Variants in PKHD1 observed in about 807,000 individuals in gnomAD.
PKHD1 encodes fibrocystin.
PKHD1 carries 291 observed loss-of-function variants against 412.0 expected under a neutral mutation model. The observed-to-expected ratio is 0.71, with a 90% CI of 0.64 to 0.78. The LOEUF is 0.78. Among genes scored for constraint, PKHD1 ranks in the 30% least tolerant of loss-of-function variants. The probability of loss-of-function intolerance (pLI) is 0.00; values close to 1 mark genes in which losing one functional copy is unlikely to be tolerated. For synonymous variants in PKHD1, 1,777 were observed against 1,821.5 expected (o/e 0.98, Z 0.62); for missense variants, 4,825 against 4,950.7 (o/e 0.97, Z 0.76).
In PKHD1 at chr6:51,649,082, T is replaced by C. The variant is rs1271798139; in HGVS notation, c.11310+3A>G. 1 of 1,613,448 alleles carries C rather than the reference T, an allele frequency of 6.2e-7. No individual in the cohort carries two copies. Among genetic ancestry groups the C allele is most frequent in the Admixed American group, 1.7e-5 (1 of 60,014 alleles). ...GACAGATTTGTTACCTGTGAAAAGT[T>C]ACCTGCTCATCCAAAAATACCAATT... On this transcript the variant is annotated splice_donor_region_variant and intron_variant, in intron 62 of 66. Transcript: ENST00000371117.
intron 53 of PKHD1, among the ~76,000 whole-genome samples, chr6:51,782,404 G>C (rs1792176244): frequency 6.6e-6 from 1 of 152,118 alleles, no homozygotes; most frequent in Non-Finnish European, 1.5e-5. Flanking sequence ...TTGGCTGCCA[G>C]CCTTATTAGG....
In PKHD1 at chr6:51,626,861, C is replaced by T. The variant is rs192505779; in HGVS notation, c.11785+136G>A. On this transcript the variant is annotated intron_variant, in intron 66 of 66. Coordinates refer to ENST00000371117, the MANE Select transcript of PKHD1 (RefSeq NM_138694.4). ...GTATTTTTCTGCTGGGGTATAATTT[C>T]TTTGAAGGAAAGTAACAAAGACTAA... 212 of 864,282 alleles carry T rather than the reference C, an allele frequency of 2.5e-4. No individual in the cohort carries two copies. The Middle Eastern group carries it at 4.1e-3, about 17-fold the overall frequency. 53.5% of individuals were successfully genotyped at this position (864,282 alleles called of 1,614,324 possible).
Position 51,676,468 on chromosome 6 carries a change from T to C in PKHD1, c.10157-16499A>G, listed in dbSNP as rs111704008. Among the ~76,000 whole-genome samples, 1,152 of 152,272 alleles carry C rather than the reference T, an allele frequency of 7.6e-3. 14 individuals carry two copies. The highest frequency in any genetic ancestry group is 0.027 in the African/African-American group (1,104 of 41,558). On this transcript the variant is annotated intron_variant, in intron 60 of 66. Transcript: ENST00000371117. ...CCACCATTTCCCTCAATAATTTTTTTAGCCATTTTGTAATATATTTCACAA... is the reference window on the plus strand; with the variant it reads ...CCACCATTTCCCTCAATAATTTTTTCAGCCATTTTGTAATATATTTCACAA...
At position 51,871,395 on chromosome 6, in the gene PKHD1, G is replaced by C. The variant is rs1490698262; in HGVS notation, c.7351-756C>G. Among the ~76,000 whole-genome samples, 8 of 61,280 alleles carry C rather than the reference G, an allele frequency of 1.3e-4. 3 individuals are homozygous for C. Among genetic ancestry groups the C allele is most frequent in the Non-Finnish European group, 4.3e-4 (8 of 18,490 alleles). 40.2% of individuals were successfully genotyped at this position (61,280 alleles called of 152,430 possible). A position where few individuals can be genotyped will look rare whatever the true frequency, so the allele number is the denominator to read the frequency against. ...GCAACAAGTTAGATGAATCCCAATGGCATTCAGGAGTGAAGGAAGCCAGTC... is the reference window on the plus strand; with the variant it reads ...GCAACAAGTTAGATGAATCCCAATGCCATTCAGGAGTGAAGGAAGCCAGTC... On this transcript the variant is annotated intron_variant, in intron 46 of 66. Transcript: ENST00000371117.
intron 37 of PKHD1, among the ~76,000 whole-genome samples, chr6:51,932,070 A>G (rs562399637): frequency 1.9e-4 from 29 of 152,292 alleles, no homozygotes; most frequent in South Asian, 8.3e-4. Flanking sequence ...AATATCCAGT[A>G]ACATCAGATG....
At chr6:52,000,432 T>A (rs1363492394) in intron 35 of PKHD1, among the ~76,000 whole-genome samples, 1 of 152,214 alleles carries the variant, frequency 6.6e-6, no homozygotes, top group Non-Finnish European at 1.5e-5. Context: ...ATTATACTCC[T>A]ATAGTCAAAA....
At chr6:51,800,856 C>T (rs1009124574) in intron 52 of PKHD1, among the ~76,000 whole-genome samples, 8 of 152,184 alleles carry the variant, frequency 5.3e-5, no homozygotes, top group African/African-American at 1.7e-4. Context: ...ACAGCTCAGA[C>T]TTCTGAGGGA....
chr6:51,721,989 T>A (rs746098708), intron 60 of PKHD1: 34 of 1,613,494 alleles, frequency 2.1e-5, no homozygotes, highest in Non-Finnish European at 2.9e-5. Context: ...TCCTCCTCTA[T>A]TCTGAAATCT....
rs533428851 is a variant in PKHD1 at position 51,767,644 on chromosome 6, A to T, written c.8642+5058T>A. ...ATCCATGTCCCTACAAAGGACATGA[A>T]CTCATCATTTTTTATGGCAGCATAG... On this transcript the variant is annotated intron_variant, in intron 55 of 66. Coordinates refer to ENST00000371117, the MANE Select transcript of PKHD1 (RefSeq NM_138694.4). Among the ~76,000 whole-genome samples the T allele has an allele frequency of 6.6e-3, 1,004 of 152,180 alleles. 6 individuals carry two copies. Among genetic ancestry groups the T allele is most frequent in the Non-Finnish European group, 0.011 (729 of 68,010 alleles).
chr6:51,629,213 T>G (rs2661495), intron 65 of PKHD1, among the ~76,000 whole-genome samples: 108 of 152,038 alleles, frequency 7.1e-4, no homozygotes, highest in African/African-American at 2.6e-3. Context: ...ATAAAAAAAG[T>G]GGGACCGAAT....
intron 60 of PKHD1, among the ~76,000 whole-genome samples, chr6:51,707,657 C>T (rs1213044225): frequency 1.3e-5 from 2 of 152,120 alleles, no homozygotes; most frequent in East Asian, 1.9e-4. Context: ...TACGTACTCC[C>T]ACTTACCCCC....
intron 60 of PKHD1, among the ~76,000 whole-genome samples, chr6:51,736,509 T>C (rs1468152828): frequency 1.3e-5 from 2 of 152,110 alleles, no homozygotes; most frequent in East Asian, 3.9e-4. Context: ...GAGTCTAATA[T>C]TTTCTGAGAC....
At chr6:51,741,878 T>C (rs893637641) in intron 60 of PKHD1, among the ~76,000 whole-genome samples, 18 of 152,236 alleles carry the variant, frequency 1.2e-4, no homozygotes, top group Admixed American at 1.0e-3. Context: ...TTTCATCAAA[T>C]ACTCTGGAAC....
At chr6:51,772,936 TAAA>T in intron 54 of PKHD1, 147 bp from the exon 55 acceptor site, 1 of 655,370 alleles carries the variant, frequency 1.5e-6, no homozygotes. Context: ...AAGCATTATT[TAAA>T]TGCTCTATTT....
At chr6:51,658,065 T>G (rs568432359) in intron 61 of PKHD1, among the ~76,000 whole-genome samples, 70 of 152,244 alleles carry the variant, frequency 4.6e-4, no homozygotes, top group African/African-American at 1.6e-3. Flanking sequence ...TCAGCATCAT[T>G]TCTTTAAGCA....
At position 51,829,384 on chromosome 6, in the gene PKHD1, C is replaced by T. The variant is rs527537119; in HGVS notation, c.8302+1477G>A. Among the ~76,000 whole-genome samples, 84 of 152,248 alleles carry T rather than the reference C, an allele frequency of 5.5e-4. No individual in the cohort carries two copies. The South Asian group carries it at 0.017, about 32-fold the overall frequency. The stretch of plus-strand genomic sequence containing the variant: ...CTCGGCATAAAAACCCCAAAGGATA[C>T]TAAAAGCTTGGCAACCTTCAAAAGC... On this transcript the variant is annotated intron_variant, in intron 52 of 66. Transcript: ENST00000371117.
intron 35 of PKHD1, among the ~76,000 whole-genome samples, chr6:51,989,162 TC>T: frequency 6.6e-6 from 1 of 152,130 alleles, no homozygotes; most frequent in Non-Finnish European, 1.5e-5. Context: ...CATTTTACCT[TC>T]TACAAAAACT....
At chr6:51,865,305 C>A (rs774879392) in intron 48 of PKHD1, among the ~76,000 whole-genome samples, 22 of 152,204 alleles carry the variant, frequency 1.4e-4, no homozygotes, top group Non-Finnish European at 2.9e-4. Flanking sequence ...TTTTTCTTCA[C>A]CCAAATATTA....
intron 55 of PKHD1, 143 bp downstream of exon 55, chr6:51,772,556 TCCC>T: frequency 1.9e-6 from 1 of 517,106 alleles, no homozygotes; most frequent in Non-Finnish European, 3.4e-6. Flanking sequence ...TTTTTTAAAT[TCCC>T]TATAATCGCT....
Sources: gnomAD v4.1 joint callset for allele counts (sites outside exome capture counted in the v4.1 genomes callset) on GRCh38, gnomAD v4.1.1 for gene constraint, MANE v1.5 for transcripts, NCBI Gene and HGNC (gene_info 2026-07-23, HGNC 2026-07-21) for gene names.